ANXA5: variants seen among roughly 807,000 people sequenced by gnomAD.
The protein encoded by ANXA5 is annexin A5.
ANXA5 carries 40 observed loss-of-function variants against 48.1 expected under a neutral mutation model. The ratio of observed to expected loss-of-function variants is 0.83; its 90% CI spans 0.65 to 1.08. The LOEUF (loss-of-function observed/expected upper bound fraction) is 1.08. Ranked by LOEUF, ANXA5 falls within the 50% of genes least tolerant of loss-of-function variation. The probability of loss-of-function intolerance (pLI) is 0.00; values close to 1 mark genes in which losing one functional copy is unlikely to be tolerated. For synonymous variants in ANXA5, 113 were observed against 129.1 expected, an observed-to-expected ratio of 0.88 and a Z score of 0.85; for missense variants, 357 against 376.8, an observed-to-expected ratio of 0.95 and a Z score of 0.44.
chr4:121,684,519 G>C (rs983415166), intron 4 of ANXA5, among the ~76,000 whole-genome samples, 158 bp downstream of exon 4: 1 of 152,190 alleles, frequency 6.6e-6, no homozygotes, highest in Non-Finnish European at 1.5e-5. Context: ...TGTATCCTAA[G>C]AGCTGATAAT....
At chr4:121,687,632 C>T (rs1405507082) in intron 2 of ANXA5, among the ~76,000 whole-genome samples, 2 of 152,282 alleles carry the variant, frequency 1.3e-5, no homozygotes, top group South Asian at 4.1e-4. Context: ...TAATACTAAT[C>T]AAATTTTAAA....
intron 6 of ANXA5, among the ~76,000 whole-genome samples, chr4:121,679,213 C>T (rs770026389): frequency 4.6e-5 from 7 of 152,174 alleles, no homozygotes; most frequent in Non-Finnish European, 8.8e-5. Flanking sequence ...AGAAGAGTTA[C>T]ATGTTTATTT....
At chr4:121,678,852 A>G (rs541145936) in intron 6 of ANXA5, among the ~76,000 whole-genome samples, 1 of 152,342 alleles carries the variant, frequency 6.6e-6, no homozygotes, top group Admixed American at 6.5e-5. Flanking sequence ...AATCTTTTAT[A>G]TGGTTAGCTT....
chr4:121,669,503 A>T (rs1320559642), intron 12 of ANXA5, 99 bp downstream of exon 12: 8 of 1,456,298 alleles, frequency 5.5e-6, no homozygotes, highest in Non-Finnish European at 7.5e-6. Context: ...TAAAATTTTA[A>T]ACTTAACACA....
chr4:121,693,278 G>T (rs948977044), intron 2 of ANXA5, among the ~76,000 whole-genome samples: 6 of 151,564 alleles, frequency 4.0e-5, no homozygotes, highest in Non-Finnish European at 2.9e-5. Context: ...CCAAAGAAAT[G>T]AAGCCAGGAG....
chr4:121,676,816 G>A (rs1278062441), intron 8 of ANXA5, among the ~76,000 whole-genome samples: 1 of 152,110 alleles, frequency 6.6e-6, no homozygotes, highest in Non-Finnish European at 1.5e-5. Context: ...AGAGAGGCTG[G>A]AGGCATAAGT....
Position 121,668,541 on chromosome 4 carries a change from T to C in ANXA5, c.904-14A>G, listed in dbSNP as rs1724559191. 3 of 1,611,638 alleles carry C rather than the reference T, an allele frequency of 1.9e-6. No individual in the cohort carries two copies. Among genetic ancestry groups the C allele is most frequent in the African/African-American group, 2.7e-5 (2 of 74,792 alleles). On this transcript the variant is annotated splice_polypyrimidine_tract_variant and intron_variant, in intron 12 of 12. Coordinates refer to ENST00000296511, the MANE Select transcript of ANXA5 (RefSeq NM_001154.4). ...AGATGTATCTCCCTGAAACCAAATG[T>C]ATTCCATTAACCTCCATGACTCACA...
intron 2 of ANXA5, among the ~76,000 whole-genome samples, chr4:121,689,572 A>C (rs1434775868): frequency 6.6e-6 from 1 of 152,238 alleles, no homozygotes; most frequent in Admixed American, 6.5e-5. Context: ...TGCCAGGCCA[A>C]TCTTGGTACT....
chr4:121,691,923 G>A (rs1377697174), intron 2 of ANXA5, among the ~76,000 whole-genome samples: 1 of 152,142 alleles, frequency 6.6e-6, no homozygotes, highest in African/African-American at 2.4e-5. Context: ...AATTATCAGG[G>A]AAAAAATTAG....
At chr4:121,695,287 T>C (rs1460208538) in intron 2 of ANXA5, among the ~76,000 whole-genome samples, 1 of 152,216 alleles carries the variant, frequency 6.6e-6, no homozygotes, top group East Asian at 1.9e-4. Context: ...AAAGAGGAGG[T>C]AAGAATGGGA....
In ANXA5 at chr4:121,677,904, T is replaced by G. The variant is rs1478748361; in HGVS notation, c.521A>C (p.Gln174Pro). 1 of 1,613,686 alleles carries G rather than the reference T, an allele frequency of 6.2e-7. No individual in the cohort carries two copies. The change falls in exon 8 of 13, where the codon CAA becomes CCA. Residue 174 changes from glutamine to proline, a missense_variant. By Grantham distance (76) the Gln-to-Pro change is moderately conservative (BLOSUM62 -1). Transcript: ENST00000296511. ...CCTGGTGTCACTCACCTGAGCATCTTGTTCAACTTGAGCTTCATCAATTCC... is the reference window on the plus strand; with the variant it reads ...CCTGGTGTCACTCACCTGAGCATCTGGTTCAACTTGAGCTTCATCAATTCC... ...DAGIDEAQVE[Q>P]DAQALFQAGE... is the part of the protein sequence containing the mutation.
intron 8 of ANXA5, among the ~76,000 whole-genome samples, chr4:121,676,605 G>A (rs927363351): frequency 1.3e-5 from 2 of 151,582 alleles, no homozygotes; most frequent in Non-Finnish European, 2.9e-5. Flanking sequence ...ACAGCTCAGG[G>A]GGCCCAGGAA....
intron 5 of ANXA5, among the ~76,000 whole-genome samples, chr4:121,682,298 T>A (rs1188954124): frequency 6.6e-6 from 1 of 152,146 alleles, no homozygotes; most frequent in African/African-American, 2.4e-5. Flanking sequence ...TAGAACAGTA[T>A]AAAGGAATTG....
chr4:121,678,005 G>A, intron 7 of ANXA5, 55 bp from the exon 8 acceptor site: 2 of 1,415,910 alleles, frequency 1.4e-6, no homozygotes, highest in Admixed American at 1.8e-5. Flanking sequence ...CATTCAAAAG[G>A]AAAAATGGTT....
intron 6 of ANXA5, among the ~76,000 whole-genome samples, chr4:121,679,182 A>G (rs1019583627): frequency 6.6e-6 from 1 of 152,212 alleles, no homozygotes; most frequent in Admixed American, 6.5e-5. Context: ...AAAAGCCTGA[A>G]ACTTCTATTT....
intron 12 of ANXA5, 114 bp downstream of exon 12, chr4:121,669,488 G>T: frequency 7.7e-7 from 1 of 1,293,498 alleles, no homozygotes. Context: ...CTCTAATCGT[G>T]TCACTAAAAT....
rs570249127 is a variant in ANXA5, at chr4:121,678,460, C to T, written c.429G>A (p.Gly143=). The T allele has an allele frequency of 7.1e-5, 115 of 1,613,774 alleles. 1 individual carries two copies. The South Asian group carries it at 1.2e-3, about 17-fold the overall frequency. Residue 143 remains glycine, a synonymous_variant, in exon 7 of 13, where the codon GGG becomes GGA. Coordinates refer to ENST00000296511, the MANE Select transcript of ANXA5 (RefSeq NM_001154.4). ...YGSSLEDDVV[G]DTSGYYQRML... is the part of the protein sequence containing the mutation. ...TCCGCTGGTAGTACCCTGAAGTGTCCCCCACCACGTCATCTTCCAGGCTTG... is the reference window on the plus strand; with the variant it reads ...TCCGCTGGTAGTACCCTGAAGTGTCTCCCACCACGTCATCTTCCAGGCTTG...
intron 2 of ANXA5, among the ~76,000 whole-genome samples, chr4:121,695,021 T>C (rs1288370471): frequency 1.3e-5 from 2 of 152,214 alleles, no homozygotes; most frequent in Non-Finnish European, 2.9e-5. Flanking sequence ...TGAAAAGGAA[T>C]TGATGGACCC....
At chr4:121,671,749 C>T in intron 9 of ANXA5, 107 bp from the exon 10 acceptor site, 1 of 752,782 alleles carries the variant, frequency 1.3e-6, no homozygotes, top group Non-Finnish European at 2.2e-6. Flanking sequence ...ATCTCCCCTT[C>T]TTCCTTGCTG....
Sources: allele counts gnomAD v4.1 joint callset (sites outside exome capture counted in the v4.1 genomes callset), GRCh38; gene constraint gnomAD v4.1.1; transcripts MANE v1.5; gene names NCBI Gene and HGNC (gene_info 2026-07-23, HGNC 2026-07-21).